Variants in LRRC63 observed in about 807,000 individuals in gnomAD.
LRRC63 encodes leucine-rich repeat-containing protein 63.
A neutral mutation model predicts 49.5 loss-of-function variants in LRRC63; 40 were observed. The ratio of observed to expected loss-of-function variants is 0.81; its 90% CI spans 0.63 to 1.05. LRRC63 has a LOEUF of 1.05. Among genes scored for constraint, LRRC63 ranks in the 50% least tolerant of loss-of-function variants. LRRC63 has a pLI of 0.00. For missense variants in LRRC63, 636 were observed against 663.1 expected, an observed-to-expected ratio of 0.96 and a Z score of 0.45; for synonymous variants, 191 against 221.1, an observed-to-expected ratio of 0.86 and a Z score of 1.21.
chr13:46,261,869 C>A, intron 7 of LRRC63, 40 bp from the exon 8 acceptor site: 1 of 632,634 alleles, frequency 1.6e-6, no homozygotes, highest in Non-Finnish European at 2.3e-6. Flanking sequence ...AGTGGTGATA[C>A]ATAATCATTT....
intron 2 of LRRC63, among the ~76,000 whole-genome samples, chr13:46,226,617 G>A (rs145005248): frequency 1.1e-4 from 16 of 152,234 alleles, no homozygotes; most frequent in African/African-American, 3.9e-4. Context: ...GTTTGAGATA[G>A]GGGACATCAT....
At chr13:46,276,321 T>A (rs2047836138) in intron 9 of LRRC63, among the ~76,000 whole-genome samples, 1 of 152,048 alleles carries the variant, frequency 6.6e-6, no homozygotes, top group Non-Finnish European at 1.5e-5. Flanking sequence ...GAATAATAAC[T>A]ATTTTCAATT....
chr13:46,238,683 C>T (rs535857251), intron 5 of LRRC63, among the ~76,000 whole-genome samples: 1 of 152,292 alleles, frequency 6.6e-6, no homozygotes, highest in South Asian at 2.1e-4. Context: ...TTACCTCCCA[C>T]CAGATCCCTC....
intron 7 of LRRC63, among the ~76,000 whole-genome samples, chr13:46,254,343 A>T (rs2047456674): frequency 6.6e-6 from 1 of 152,166 alleles, no homozygotes; most frequent in African/African-American, 2.4e-5. Flanking sequence ...GATGTTGGAA[A>T]GAAACCAATA....
rs184845865 is a variant in LRRC63, at chr13:46,228,274, C to T, written c.763+85C>T. On this transcript the variant is annotated intron_variant, in intron 3 of 9. Coordinates refer to ENST00000595396, the Ensembl canonical transcript of LRRC63. ...GCATGCAAGCTAATGGTACCCCTCCCGCTTTGGGTTTGCAGAATGGGAGGA... is the reference window on the plus strand; with the variant it reads ...GCATGCAAGCTAATGGTACCCCTCCTGCTTTGGGTTTGCAGAATGGGAGGA... The T allele has an allele frequency of 9.6e-3, 10,185 of 1,057,666 alleles. 65 individuals carry two copies. Among genetic ancestry groups the T allele is most frequent in the Non-Finnish European group, 0.012 (9,248 of 749,974 alleles). The allele number at this position is 1,057,666 out of a possible 1,614,324, so 65.5% of individuals were successfully genotyped here.
chr13:46,213,456 C>A (rs561510298), intron 2 of LRRC63, among the ~76,000 whole-genome samples: 1 of 152,334 alleles, frequency 6.6e-6, no homozygotes, highest in East Asian at 1.9e-4. Flanking sequence ...GCTACCTCTA[C>A]CTTCTTGTTT....
At chr13:46,227,589 C>G (rs556213982) in exon 3 of LRRC63, 2 of 1,549,504 alleles carry the variant, frequency 1.3e-6, no homozygotes, top group Non-Finnish European at 1.7e-6. Context: ...GGATAGAACT[C>G]GTTTTCCTGA....
intron 2 of LRRC63, among the ~76,000 whole-genome samples, chr13:46,218,119 T>A (rs9534356): frequency 3.3e-5 from 5 of 151,496 alleles, no homozygotes; most frequent in African/African-American, 9.7e-5. Flanking sequence ...TATTAGGTCT[T>A]CTTGGTCCAA....
chr13:46,262,681 T>C (rs1489026066), intron 8 of LRRC63, among the ~76,000 whole-genome samples: 2 of 152,172 alleles, frequency 1.3e-5, no homozygotes, highest in African/African-American at 4.8e-5. Flanking sequence ...TTTATGTTCT[T>C]CATAGGAATT....
chr13:46,220,637 A>G (rs551490249), intron 2 of LRRC63, among the ~76,000 whole-genome samples: 1 of 143,598 alleles, frequency 7.0e-6, no homozygotes, highest in Non-Finnish European at 1.5e-5. Context: ...CATTCCAGGC[A>G]CCACTGGGGT....
At chr13:46,225,956 T>C (rs1410488012) in intron 2 of LRRC63, among the ~76,000 whole-genome samples, 1 of 151,922 alleles carries the variant, frequency 6.6e-6, no homozygotes, top group African/African-American at 2.4e-5. Context: ...CCCTATTTTT[T>C]TACTCTCTTT....
intron 9 of LRRC63, among the ~76,000 whole-genome samples, chr13:46,274,619 C>T (rs759330069): frequency 6.6e-6 from 1 of 152,214 alleles, no homozygotes; most frequent in Admixed American, 6.5e-5. Flanking sequence ...AATCCACTTC[C>T]ATTGAGAATG....
chr13:46,265,667 T>C (rs2047675069), intron 8 of LRRC63, among the ~76,000 whole-genome samples: 1 of 152,162 alleles, frequency 6.6e-6, no homozygotes, highest in East Asian at 1.9e-4. Flanking sequence ...AAGATTTCAA[T>C]ATTTGAATTT....
intron 8 of LRRC63, among the ~76,000 whole-genome samples, chr13:46,262,368 A>C (rs1402824154): frequency 1.3e-5 from 2 of 152,198 alleles, no homozygotes; most frequent in Non-Finnish European, 2.9e-5. Context: ...AACATTAATA[A>C]AAGTCTGAAG....
chr13:46,227,389 T>C (rs567061495), intron 2 of LRRC63, 123 bp from the exon 3 acceptor site: 10 of 666,442 alleles, frequency 1.5e-5, no homozygotes, highest in South Asian at 4.8e-5. Flanking sequence ...AGCAAGTGTA[T>C]ACAGAAACAT....
chr13:46,252,379 C>T (rs145246899), intron 7 of LRRC63, among the ~76,000 whole-genome samples: 2,314 of 152,042 alleles, frequency 0.015, 73 homozygotes, highest in African/African-American at 0.052. Context: ...GATATTCTGG[C>T]TCCATGTAAA....
At chr13:46,215,507 G>A (rs1014527874) in intron 2 of LRRC63, among the ~76,000 whole-genome samples, 1 of 151,926 alleles carries the variant, frequency 6.6e-6, no homozygotes, top group African/African-American at 2.4e-5. Flanking sequence ...TGTAAATTGT[G>A]GATATTAAAC....
intron 6 of LRRC63, among the ~76,000 whole-genome samples, chr13:46,248,858 A>G (rs1233768266): frequency 6.6e-6 from 1 of 151,870 alleles, no homozygotes; most frequent in African/African-American, 2.4e-5. Context: ...GAGTTCATGT[A>G]GAACATTTTC....
intron 2 of LRRC63, among the ~76,000 whole-genome samples, chr13:46,224,253 G>C (rs1475165104): frequency 6.6e-6 from 1 of 152,052 alleles, no homozygotes; most frequent in Non-Finnish European, 1.5e-5. Context: ...ATTCTTTTAG[G>C]TTCTTTTTCT....
Sources: gnomAD v4.1 joint callset for allele counts (sites outside exome capture counted in the v4.1 genomes callset) on GRCh38, gnomAD v4.1.1 for gene constraint, MANE v1.5 for transcripts, NCBI Gene and HGNC (gene_info 2026-07-23, HGNC 2026-07-21) for gene names.